Variants in FNIP2 observed in about 807,000 individuals in gnomAD.
FNIP2 encodes the protein folliculin-interacting protein 2.
FNIP2 carries 32 observed loss-of-function variants against 108.7 expected under a neutral mutation model. The observed-to-expected ratio is 0.29, with a 90% CI of 0.22 to 0.40. The LOEUF is 0.40. Ranked by LOEUF, FNIP2 falls within the 10% of genes least tolerant of loss-of-function variation. FNIP2 has a pLI of 1.00. For missense variants in FNIP2, 1,202 were observed against 1,381.6 expected (o/e 0.87, Z 2.06); for synonymous variants, 480 against 496.7 (o/e 0.97, Z 0.45).
Position 158,868,353 on chromosome 4 carries a change from A to C in FNIP2, c.1717A>C (p.Arg573=). The C allele has an allele frequency of 6.2e-7, 1 of 1,614,006 alleles. No homozygotes were observed. Among genetic ancestry groups the C allele is most frequent in the Non-Finnish European group, 8.5e-7 (1 of 1,179,888 alleles). Residue 573 remains arginine (R), a synonymous_variant, in exon 13 of 17, where the codon AGG becomes CGG. Coordinates refer to ENST00000264433, the MANE Select transcript of FNIP2 (RefSeq NM_020840.3). This position sits in a 1 kb window ranked among gnomAD's most constrained non-coding sequence, Gnocchi z 4.6. The part of the protein sequence containing the change: ...EESEYVVITV[R]NEPALVPPIL... ...GTCTGAGTATGTGGTCATTACGGTG[A>C]GGAACGAGCCCGCTCTTGTACCCCC...
intron 1 of FNIP2, among the ~76,000 whole-genome samples, chr4:158,790,215 G>T (rs555606103): frequency 6.6e-6 from 1 of 150,708 alleles, no homozygotes. Context: ...CTGAAAAAAC[G>T]CCAAATCCGA....
chr4:158,881,705 G>A (rs1166447505), intron 14 of FNIP2, among the ~76,000 whole-genome samples: 3 of 152,172 alleles, frequency 2.0e-5, no homozygotes, highest in Admixed American at 6.5e-5. Flanking sequence ...TGCCAGCCTC[G>A]GCCTCCCGAG....
At chr4:158,860,678 G>C (rs1780233170) in intron 10 of FNIP2, among the ~76,000 whole-genome samples, 1 of 97,622 alleles carries the variant, frequency 1.0e-5, no homozygotes, top group Non-Finnish European at 2.1e-5. Context: ...TTTTTTTTTA[G>C]ACTGAGTCTC....
intron 14 of FNIP2, among the ~76,000 whole-genome samples, chr4:158,875,742 G>A (rs1479559641): frequency 2.6e-5 from 4 of 151,794 alleles, no homozygotes; most frequent in Non-Finnish European, 4.4e-5. Context: ...AACATCTCTC[G>A]TTGTTTTCTT....
chr4:158,833,915 T>C, intron 6 of FNIP2: 2 of 1,332,460 alleles, frequency 1.5e-6, no homozygotes, highest in Non-Finnish European at 1.9e-6. Flanking sequence ...CTGAGTACAG[T>C]GTGACCCACA....
At chr4:158,835,294 C>T in intron 6 of FNIP2, 111 bp from the exon 7 acceptor site, 1 of 755,262 alleles carries the variant, frequency 1.3e-6, no homozygotes, top group Non-Finnish European at 2.2e-6. Flanking sequence ...AAGCTTATGC[C>T]AATCATCAGT....
At chr4:158,871,791 A>G in intron 14 of FNIP2, 6 of 985,098 alleles carry the variant, frequency 6.1e-6, no homozygotes, top group Non-Finnish European at 7.2e-6. Flanking sequence ...TATGAACACC[A>G]TATAGTCATT....
intron 16 of FNIP2, among the ~76,000 whole-genome samples, chr4:158,898,738 A>C (rs1782921448): frequency 6.6e-6 from 1 of 152,170 alleles, no homozygotes; most frequent in Admixed American, 6.5e-5. Context: ...TTTTGGGCTG[A>C]AATGTTGGGG....
At chr4:158,805,353 C>T (rs904211039) in intron 1 of FNIP2, among the ~76,000 whole-genome samples, 4 of 152,140 alleles carry the variant, frequency 2.6e-5, no homozygotes, top group Non-Finnish European at 5.9e-5. Flanking sequence ...ATGTTTTCTT[C>T]GTGAACCCAC....
chr4:158,777,924 G>A (rs1775911955), intron 1 of FNIP2, among the ~76,000 whole-genome samples: 1 of 152,152 alleles, frequency 6.6e-6, no homozygotes, highest in African/African-American at 2.4e-5. Flanking sequence ...GGCTACCATT[G>A]CTGTACCAGT....
chr4:158,853,713 C>T (rs1779827641), intron 8 of FNIP2, among the ~76,000 whole-genome samples: 2 of 152,206 alleles, frequency 1.3e-5, no homozygotes, highest in African/African-American at 4.8e-5. Context: ...AATTTTAGTA[C>T]ATCTGGATCA....
chr4:158,819,000 C>G (rs1777730978), intron 1 of FNIP2, among the ~76,000 whole-genome samples: 1 of 152,202 alleles, frequency 6.6e-6, no homozygotes, highest in Non-Finnish European at 1.5e-5. Flanking sequence ...ACCTCTTTAT[C>G]CTGTAGAGTC....
At chr4:158,844,970 A>C (rs774352306) in intron 7 of FNIP2, among the ~76,000 whole-genome samples, 8 of 152,230 alleles carry the variant, frequency 5.3e-5, no homozygotes, top group Non-Finnish European at 1.0e-4. Context: ...CTCCTTAGAT[A>C]GGAGGGTTGG....
rs978995674 is a variant in FNIP2 at position 158,904,320 on chromosome 4, C to T, written c.3267-146C>T. Reference sequence around the variant, plus strand: ...TAAAAGAGTAAGTTTATTATCCTTCCATCTGTTTTGCTTTTTCATTAGTTT... The same window carrying T: ...TAAAAGAGTAAGTTTATTATCCTTCTATCTGTTTTGCTTTTTCATTAGTTT... On this transcript the variant is annotated intron_variant, in intron 16 of 16. Transcript: ENST00000264433. 55 of 659,716 alleles carry T rather than the reference C, an allele frequency of 8.3e-5. No homozygotes were observed. The African/African-American group carries it at 8.4e-4, about 10-fold the overall frequency. 40.9% of individuals were successfully genotyped at this position (659,716 alleles called of 1,614,324 possible).
chr4:158,873,174 T>C lies in FNIP2; in HGVS notation c.2949+2705T>C, dbSNP rs978059525. 2.6e-5 allele frequency among the ~76,000 whole-genome samples: 4 copies of C among 152,002 alleles called. No individual in the cohort carries two copies. In the South Asian group the frequency reaches 8.3e-4, roughly 32 times the overall value. ...AAAAAAAAAAGAAAAAACAAACCTA[T>C]TTTTTGAACATTAATTTCAGTGCTC... On this transcript the variant is annotated intron_variant, in intron 14 of 16. Transcript: ENST00000264433.
chr4:158,860,549 T>C lies in FNIP2; in HGVS notation c.1149-793T>C, dbSNP rs142852016. Among the ~76,000 whole-genome samples the C allele has an allele frequency of 3.4e-3, 523 of 152,320 alleles. 1 individual carries two copies. The highest frequency in any genetic ancestry group is 0.02 in the Middle Eastern group (6 of 294). On this transcript the variant is annotated intron_variant, in intron 10 of 16. Transcript: ENST00000264433. ...TGCTCTTTGATGGCAGTCTGATGATTAGTAAACCTTCCATAGTTTTTGGGA... is the reference window on the plus strand; with the variant it reads ...TGCTCTTTGATGGCAGTCTGATGATCAGTAAACCTTCCATAGTTTTTGGGA...
At chr4:158,865,609 A>T (rs1159796796) in intron 12 of FNIP2, among the ~76,000 whole-genome samples, 2 of 152,234 alleles carry the variant, frequency 1.3e-5, no homozygotes, top group Non-Finnish European at 2.9e-5. Flanking sequence ...GTAGTTTGTT[A>T]TACCAGATTT....
At chr4:158,881,644 G>A (rs1438627108) in intron 14 of FNIP2, among the ~76,000 whole-genome samples, 1 of 152,236 alleles carries the variant, frequency 6.6e-6, no homozygotes, top group African/African-American at 2.4e-5. Context: ...GTGGAGACGG[G>A]GTTTCACTGT....
intron 3 of FNIP2, among the ~76,000 whole-genome samples, chr4:158,829,738 A>C (rs993771945): frequency 4.7e-5 from 7 of 149,620 alleles, no homozygotes; most frequent in Admixed American, 1.3e-4. Flanking sequence ...GTGTGTGTGT[A>C]TAAGGATAGG....
Sources: allele counts gnomAD v4.1 joint callset (sites outside exome capture counted in the v4.1 genomes callset), GRCh38; gene constraint gnomAD v4.1.1; non-coding constraint Gnocchi (gnomAD v3.1); transcripts MANE v1.5; gene names NCBI Gene and HGNC (gene_info 2026-07-23, HGNC 2026-07-21).